MAPK10: variants seen among roughly 807,000 people sequenced by gnomAD.
MAPK10 encodes the protein mitogen-activated protein kinase 10, also known as JNK3 alpha protein kinase.
MAPK10 carries 25 observed loss-of-function variants against 59.3 expected under a neutral mutation model. The observed-to-expected ratio is 0.42, with a 90% CI of 0.31 to 0.59. MAPK10 has a LOEUF of 0.59. Ranked by LOEUF, MAPK10 falls within the 20% of genes least tolerant of loss-of-function variation. MAPK10 has a pLI of 0.15. For missense variants in MAPK10, 351 were observed against 568.9 expected, an observed-to-expected ratio of 0.62 and a Z score of 3.90; for synonymous variants, 190 against 200.5, an observed-to-expected ratio of 0.95 and a Z score of 0.44.
chr4:86,185,951 A>G (rs1472801695), intron 3 of MAPK10, among the ~76,000 whole-genome samples: 1 of 152,096 alleles, frequency 6.6e-6, no homozygotes, highest in Non-Finnish European at 1.5e-5. Flanking sequence ...GTTGAATATG[A>G]GTCCAGTTCC....
intron 1 of MAPK10, among the ~76,000 whole-genome samples, chr4:86,552,237 T>TC (rs1759849182): frequency 6.6e-6 from 1 of 151,564 alleles, no homozygotes; most frequent in South Asian, 2.1e-4. Context: ...CTGGGCAACA[T>TC]AGAAAGACCT....
At chr4:86,447,318 A>C (rs573850934) in intron 1 of MAPK10, among the ~76,000 whole-genome samples, 3 of 152,164 alleles carry the variant, frequency 2.0e-5, no homozygotes, top group African/African-American at 7.2e-5. Flanking sequence ...CTTCCCCTTC[A>C]CCTTCCACCA....
At chr4:86,092,492 A>G (rs1037521569) in intron 9 of MAPK10, among the ~76,000 whole-genome samples, 4 of 152,084 alleles carry the variant, frequency 2.6e-5, no homozygotes, top group Non-Finnish European at 5.9e-5. Context: ...CAGAAAATGT[A>G]TAATAAAAGA....
intron 1 of MAPK10, among the ~76,000 whole-genome samples, chr4:86,396,039 G>C (rs1337529009): frequency 1.3e-5 from 2 of 152,174 alleles, no homozygotes; most frequent in Non-Finnish European, 2.9e-5. Flanking sequence ...CCTTTTTTAC[G>C]TGAACCTAAG....
chr4:86,554,100 G>A (rs1277532832), intron 1 of MAPK10, among the ~76,000 whole-genome samples: 3 of 151,946 alleles, frequency 2.0e-5, no homozygotes, highest in African/African-American at 4.8e-5. Context: ...GGTAGTCATG[G>A]GCCTTTAACG....
At chr4:86,359,044 C>T (rs1399813267) in intron 1 of MAPK10, among the ~76,000 whole-genome samples, 1 of 151,996 alleles carries the variant, frequency 6.6e-6, no homozygotes, top group Non-Finnish European at 1.5e-5. Context: ...AGTTGCTCTG[C>T]AAGAGTAACG....
chr4:86,015,595 C>A lies in MAPK10; in HGVS notation c.*1633G>T, dbSNP rs1359194411. 1 of 152,176 alleles carries A rather than the reference C, an allele frequency of 6.6e-6. No homozygotes were observed. The highest frequency in any genetic ancestry group is 2.4e-5 in the African/African-American group (1 of 41,442). 9.4% of individuals were successfully genotyped at this position (152,176 alleles called of 1,614,324 possible). A position where few individuals can be genotyped will look rare whatever the true frequency, so the allele number is the denominator to read the frequency against. On this transcript the variant is annotated 3_prime_UTR_variant, in exon 14 of 14. Coordinates refer to ENST00000641462, the MANE Select transcript of MAPK10 (RefSeq NM_138982.4). ...TACATAACCAAGATGTTTCACAGTG[C>A]CTCCTTAAGTGCTCAGGAAAGCACT...
At position 86,299,357 on chromosome 4, in the gene MAPK10, A is replaced by G. The variant is rs549301853; in HGVS notation, c.-7+55173T>C. On this transcript the variant is annotated intron_variant, in intron 2 of 13. Transcript: ENST00000641462. ...TTCATATGCTGAAATCCTAAGCCCCATAGTGATGATACTTTTTCAGAGGTG... is the reference window on the plus strand; with the variant it reads ...TTCATATGCTGAAATCCTAAGCCCCGTAGTGATGATACTTTTTCAGAGGTG... Among the ~76,000 whole-genome samples the G allele has an allele frequency of 3.3e-5, 5 of 152,324 alleles. No homozygotes were observed. The South Asian group carries it at 1.0e-3, about 32-fold the overall frequency.
chr4:86,386,776 C>T (rs1048072773), intron 1 of MAPK10, among the ~76,000 whole-genome samples: 1 of 152,086 alleles, frequency 6.6e-6, no homozygotes, highest in Non-Finnish European at 1.5e-5. Flanking sequence ...CCACAAAAAG[C>T]CTTAGTATAC....
At chr4:86,314,959 C>T (rs963877330) in intron 2 of MAPK10, among the ~76,000 whole-genome samples, 3 of 151,844 alleles carry the variant, frequency 2.0e-5, no homozygotes, top group African/African-American at 7.3e-5. Context: ...TAACCTATCC[C>T]TTATTAATGA....
At chr4:86,197,309 T>C (rs1282064049) in intron 2 of MAPK10, among the ~76,000 whole-genome samples, 1 of 152,158 alleles carries the variant, frequency 6.6e-6, no homozygotes, top group Non-Finnish European at 1.5e-5. Context: ...CTAGGTATTT[T>C]GTTCTCTTTG....
intron 1 of MAPK10, among the ~76,000 whole-genome samples, chr4:86,536,027 T>A (rs1444388633): frequency 6.6e-6 from 1 of 152,126 alleles, no homozygotes; most frequent in African/African-American, 2.4e-5. Flanking sequence ...GGAAGAAATA[T>A]AATAGGACAT....
chr4:86,190,253 T>G (rs1221280555), intron 3 of MAPK10, among the ~76,000 whole-genome samples: 2 of 152,196 alleles, frequency 1.3e-5, no homozygotes, highest in African/African-American at 4.8e-5. Flanking sequence ...AGTATGATGC[T>G]GGCCTCATAA....
At chr4:86,408,884 G>A (rs770578356) in intron 1 of MAPK10, among the ~76,000 whole-genome samples, 25 of 152,092 alleles carry the variant, frequency 1.6e-4, no homozygotes, top group Admixed American at 3.3e-4. Context: ...TTCTTTTGCT[G>A]TGCAGAAGCT....
chr4:86,550,040 C>A (rs1401817299), intron 1 of MAPK10, among the ~76,000 whole-genome samples: 1 of 152,094 alleles, frequency 6.6e-6, no homozygotes, highest in East Asian at 1.9e-4. Flanking sequence ...ACCATGACTT[C>A]CAGGTGTATA....
intron 9 of MAPK10, among the ~76,000 whole-genome samples, chr4:86,071,951 G>C (rs1464551902): frequency 2.5e-5 from 3 of 119,752 alleles, no homozygotes; most frequent in Non-Finnish European, 5.2e-5. Context: ...AGCTTGATGG[G>C]GATGGCATTG....
chr4:86,136,983 A>G (rs1340859755), intron 4 of MAPK10, among the ~76,000 whole-genome samples: 1 of 152,210 alleles, frequency 6.6e-6, no homozygotes, highest in Admixed American at 6.5e-5. Flanking sequence ...AAGAAGAGCT[A>G]ACTATCCTAA....
intron 1 of MAPK10, among the ~76,000 whole-genome samples, chr4:86,548,451 A>T (rs1046730036): frequency 6.6e-6 from 1 of 152,198 alleles, no homozygotes; most frequent in Non-Finnish European, 1.5e-5. Flanking sequence ...ACAATAGTAG[A>T]TAACTGCTAT....
At chr4:86,450,242 T>C (rs1409255526) in intron 1 of MAPK10, among the ~76,000 whole-genome samples, 2 of 152,246 alleles carry the variant, frequency 1.3e-5, no homozygotes, top group Non-Finnish European at 2.9e-5. Flanking sequence ...AAATTTATGG[T>C]GGAGTTTAGT....
Sources: allele counts gnomAD v4.1 joint callset (sites outside exome capture counted in the v4.1 genomes callset), GRCh38; gene constraint gnomAD v4.1.1; transcripts MANE v1.5; gene names NCBI Gene and HGNC (gene_info 2026-07-23, HGNC 2026-07-21).